PRKX: variants seen among roughly 807,000 people sequenced by gnomAD.
PRKX encodes cAMP-dependent protein kinase catalytic subunit PRKX.
A neutral mutation model predicts 22.0 loss-of-function variants in PRKX; 12 were observed. The observed-to-expected ratio is 0.54, with a 90% CI of 0.35 to 0.88. The LOEUF is 0.88. PRKX is among the 40% of genes least tolerant of loss of function. PRKX has a pLI of 0.01. For missense variants in PRKX, 217 were observed against 308.0 expected (o/e 0.70, Z 2.21); for synonymous variants, 134 against 137.7 (o/e 0.97, Z 0.19).
chrX:3,698,327 C>T lies in PRKX; in HGVS notation c.166+14761G>A, dbSNP rs1603474796. ...AACTCACCAACTACATAGAAAGAAG[C>T]AATTTTTCTCTTTTTCTCTTTTTTA... is the stretch of plus-strand genomic sequence containing the variant. On this transcript the variant is annotated intron_variant, in intron 1 of 8. Coordinates refer to ENST00000262848, the MANE Select transcript of PRKX (RefSeq NM_005044.5). 2.7e-5 allele frequency among the ~76,000 whole-genome samples: 3 copies of T among 110,723 alleles called. No homozygotes were observed. In the East Asian group the frequency reaches 8.6e-4, roughly 32 times the overall value.
intron 1 of PRKX, among the ~76,000 whole-genome samples, chrX:3,693,977 T>C (rs1327062428): frequency 9.3e-6 from 1 of 107,149 alleles, no homozygotes; most frequent in African/African-American, 3.4e-5. Flanking sequence ...AAATAGGGTC[T>C]TTGTAGTTTC....
At chrX:3,682,038 C>T (rs1367569760) in intron 1 of PRKX, among the ~76,000 whole-genome samples, 2 of 111,550 alleles carry the variant, frequency 1.8e-5, no homozygotes, top group East Asian at 2.8e-4. Flanking sequence ...ACACAGGGAC[C>T]GTGACATGGA....
chrX:3,702,532 G>C (rs946277921), intron 1 of PRKX, among the ~76,000 whole-genome samples: 3 of 105,667 alleles, frequency 2.8e-5, no homozygotes, highest in African/African-American at 1.0e-4. Context: ...ATGGTAGCGT[G>C]GGTTGCAAGG....
intron 4 of PRKX, among the ~76,000 whole-genome samples, chrX:3,636,730 C>T (rs780624947): frequency 8.9e-6 from 1 of 111,820 alleles, no homozygotes; most frequent in East Asian, 2.9e-4. Context: ...CGTGGTGGCG[C>T]ACACCTGTAA....
At chrX:3,619,413 T>C (rs1174369588) in intron 6 of PRKX, among the ~76,000 whole-genome samples, 1 of 111,690 alleles carries the variant, frequency 9.0e-6, no homozygotes, top group African/African-American at 3.3e-5. Flanking sequence ...ATGTCCTGAC[T>C]CCCAGTACCT....
chrX:3,646,335 A>C (rs1927187668), intron 3 of PRKX, among the ~76,000 whole-genome samples: 1 of 111,643 alleles, frequency 9.0e-6, no homozygotes, highest in Non-Finnish European at 1.9e-5. Flanking sequence ...TGACATCTCC[A>C]AGCTGAGTTT....
At chrX:3,659,445 T>C (rs1227492082) in intron 2 of PRKX, 1 of 111,402 alleles carries the variant, frequency 9.0e-6, no homozygotes, top group Non-Finnish European at 1.9e-5. Context: ...GACCCACACA[T>C]ACAGGTTGCA....
At chrX:3,621,180 C>G in intron 6 of PRKX, 79 bp downstream of exon 6, 2 of 906,410 alleles carry the variant, frequency 2.2e-6, no homozygotes, top group South Asian at 4.3e-5. Context: ...TGGTTTATAC[C>G]TGCACATGCC....
chrX:3,612,183 G>T lies in PRKX; in HGVS notation c.*17C>A, dbSNP rs757899721. 9 of 1,202,233 alleles carry T rather than the reference G, an allele frequency of 7.5e-6. No individual in the cohort carries two copies. Among genetic ancestry groups the T allele is most frequent in the Non-Finnish European group, 9.0e-6 (8 of 891,732 alleles). On this transcript the variant is annotated 3_prime_UTR_variant, in exon 8 of 9. Transcript: ENST00000262848. ...ACTAAATATAAAGATATACCTTCCAGATGTGAGCTCCTGTCCTCAGAAATT... is the reference window on the plus strand; with the variant it reads ...ACTAAATATAAAGATATACCTTCCATATGTGAGCTCCTGTCCTCAGAAATT...
chrX:3,642,802 C>T (rs1193394172), intron 3 of PRKX, among the ~76,000 whole-genome samples: 2 of 108,359 alleles, frequency 1.8e-5, no homozygotes, highest in Non-Finnish European at 3.8e-5. Context: ...AGTTCAAGAC[C>T]AGCCTGGCCA....
chrX:3,634,612 A>T (rs963901819), intron 4 of PRKX, among the ~76,000 whole-genome samples: 2 of 111,812 alleles, frequency 1.8e-5, no homozygotes, highest in African/African-American at 6.5e-5. Context: ...AGACAGAGGG[A>T]GGAGAGGCCA....
At chrX:3,648,995 T>C (rs757959782) in intron 3 of PRKX, among the ~76,000 whole-genome samples, 2 of 111,649 alleles carry the variant, frequency 1.8e-5, no homozygotes, top group African/African-American at 3.3e-5. Context: ...AAAAGAGCTG[T>C]TGCAGAGAAA....
chrX:3,634,400 G>C (rs947306986), intron 4 of PRKX, among the ~76,000 whole-genome samples: 1 of 110,628 alleles, frequency 9.0e-6, no homozygotes, highest in Non-Finnish European at 1.9e-5. Context: ...GGTTGGGGCA[G>C]AGTAGAGGGT....
At chrX:3,685,548 T>C (rs946932688) in intron 1 of PRKX, among the ~76,000 whole-genome samples, 1 of 111,048 alleles carries the variant, frequency 9.0e-6, no homozygotes, top group African/African-American at 3.3e-5. Context: ...ATAAACGTAG[T>C]AAATGAATGC....
intron 4 of PRKX, among the ~76,000 whole-genome samples, chrX:3,634,834 C>T (rs761882912): frequency 1.8e-5 from 2 of 111,347 alleles, no homozygotes; most frequent in South Asian, 3.8e-4. Flanking sequence ...GGACCCTGGG[C>T]GTGTACCATC....
intron 1 of PRKX, among the ~76,000 whole-genome samples, chrX:3,698,035 G>A (rs1015154036): frequency 7.1e-5 from 8 of 112,237 alleles, no homozygotes; most frequent in African/African-American, 2.6e-4. Flanking sequence ...CAGCCAGCTA[G>A]GGAACAGAGG....
At chrX:3,618,591 C>T (rs983865849) in intron 6 of PRKX, among the ~76,000 whole-genome samples, 2 of 110,485 alleles carry the variant, frequency 1.8e-5, no homozygotes, top group African/African-American at 3.3e-5. Context: ...GTTGTACATG[C>T]TAAATAATAC....
intron 4 of PRKX, among the ~76,000 whole-genome samples, chrX:3,632,341 A>G (rs1373902490): frequency 9.0e-6 from 1 of 110,978 alleles, no homozygotes; most frequent in Non-Finnish European, 1.9e-5. Flanking sequence ...GATCTGCGCC[A>G]ACCCTGCCGC....
At chrX:3,642,256 A>AT (rs778959709) in intron 3 of PRKX, among the ~76,000 whole-genome samples, 3 of 110,311 alleles carry the variant, frequency 2.7e-5, no homozygotes, top group Admixed American at 1.9e-4. Context: ...AAAAAACCTC[A>AT]TTTTTTTTGA....
Sources: gnomAD v4.1 joint callset for allele counts (sites outside exome capture counted in the v4.1 genomes callset) on GRCh38, gnomAD v4.1.1 for gene constraint, MANE v1.5 for transcripts, NCBI Gene and HGNC (gene_info 2026-07-23, HGNC 2026-07-21) for gene names.